The following JMJD1C variants were observed in gnomAD, a reference collection of about 807,000 sequenced individuals.
The protein encoded by JMJD1C is jumonji domain-containing protein 1C.
JMJD1C carries 31 observed loss-of-function variants against 245.3 expected under a neutral mutation model. That is an observed-to-expected ratio of 0.13 (90% CI 0.09 to 0.17). The LOEUF (loss-of-function observed/expected upper bound fraction) is 0.17, where lower values mean the gene tolerates loss of function less well. Among genes scored for constraint, JMJD1C ranks in the 10% least tolerant of loss-of-function variants. The probability of loss-of-function intolerance (pLI) is 1.00; values close to 1 mark genes in which losing one functional copy is unlikely to be tolerated. For synonymous variants in JMJD1C, 1,057 were observed against 1,017.4 expected, an observed-to-expected ratio of 1.04 and a Z score of -0.74; for missense variants, 2,691 against 3,000.2, an observed-to-expected ratio of 0.90 and a Z score of 2.41.
Position 63,314,815 on chromosome 10 carries a change from T to C in JMJD1C, c.334-50051A>G, listed in dbSNP as rs183167026. Reference sequence around the variant, plus strand: ...GGCATGCACCACTACGCCTAGCCAATTTTTGTATTTTTAGTAGAGACAGAG... The same window carrying C: ...GGCATGCACCACTACGCCTAGCCAACTTTTGTATTTTTAGTAGAGACAGAG... On this transcript the variant is annotated intron_variant, in intron 2 of 25. Transcript: ENST00000399262. Among the ~76,000 whole-genome samples, 8 of 152,192 alleles carry C rather than the reference T, an allele frequency of 5.3e-5. No individual in the cohort carries two copies. In the East Asian group the frequency reaches 1.5e-3, roughly 29 times the overall value.
chr10:63,303,356 A>C (rs1011258680), intron 2 of JMJD1C, among the ~76,000 whole-genome samples: 8 of 152,132 alleles, frequency 5.3e-5, no homozygotes, highest in African/African-American at 1.7e-4. Context: ...CCCAGGCCGG[A>C]GTACAGTGGT....
intron 1 of JMJD1C, among the ~76,000 whole-genome samples, chr10:63,486,915 A>C (rs1471918370): frequency 6.6e-6 from 1 of 152,236 alleles, no homozygotes; most frequent in African/African-American, 2.4e-5. Context: ...GATTTCTATC[A>C]TTAACAGTAA....
chr10:63,363,783 A>T (rs1161300265), intron 2 of JMJD1C, among the ~76,000 whole-genome samples: 1 of 149,052 alleles, frequency 6.7e-6, no homozygotes, highest in Non-Finnish European at 1.5e-5. Context: ...GACTCAAGTG[A>T]TCCTCCCCCT....
rs369509652 is a variant in JMJD1C at position 63,264,708 on chromosome 10, G to A, written c.390C>T (p.Phe130=). The A allele has an allele frequency of 6.2e-7, 1 of 1,600,430 alleles. No homozygotes were observed. The highest frequency in any genetic ancestry group is 8.5e-7 in the Non-Finnish European group (1 of 1,173,114). ...AAAAATCCAGTTGCTTATCTACAAG[G>A]AATTCTACTGCAGTGACTGAACTGG... ...NIPSSVTAVE[F]LVDKQLDFLT... The change falls in exon 3 of 26, where the codon TTC becomes TTT. Residue 130 remains phenylalanine, a synonymous_variant. Transcript: ENST00000399262.
intron 2 of JMJD1C, among the ~76,000 whole-genome samples, chr10:63,273,387 T>C (rs1017253786): frequency 6.6e-6 from 1 of 152,172 alleles, no homozygotes; most frequent in African/African-American, 2.4e-5. Flanking sequence ...ACTGGTCTGG[T>C]ATTAATTGGT....
intron 1 of JMJD1C, among the ~76,000 whole-genome samples, chr10:63,488,673 T>C (rs1043511101): frequency 2.0e-5 from 3 of 152,238 alleles, no homozygotes; most frequent in Admixed American, 6.5e-5. Context: ...TAGTGTTTTA[T>C]ATGACTTATA....
At chr10:63,412,333 T>G (rs907703795) in intron 1 of JMJD1C, among the ~76,000 whole-genome samples, 1 of 152,070 alleles carries the variant, frequency 6.6e-6, no homozygotes. Flanking sequence ...ACATTTACAG[T>G]ACTGTACTTA....
intron 2 of JMJD1C, among the ~76,000 whole-genome samples, chr10:63,302,480 T>G (rs985387937): frequency 1.3e-5 from 2 of 152,178 alleles, no homozygotes; most frequent in Non-Finnish European, 2.9e-5. Flanking sequence ...AAAAAAAGTA[T>G]CCCATTATAG....
chr10:63,220,336 A>G (rs1848454394), intron 3 of JMJD1C, among the ~76,000 whole-genome samples: 1 of 152,226 alleles, frequency 6.6e-6, no homozygotes, highest in Non-Finnish European at 1.5e-5. Flanking sequence ...GTGTTGGCAA[A>G]AGAACTGAGG....
chr10:63,191,983 C>CAAAAAAAAAAA (rs10652559), intron 16 of JMJD1C, among the ~76,000 whole-genome samples: 3 of 60,824 alleles, frequency 4.9e-5, no homozygotes, highest in African/African-American at 2.9e-4. Context: ...GACTCTGTCT[C>CAAAAAAAAAAA]AAAAAAAAAA....
chr10:63,229,668 G>A (rs1849731905), intron 3 of JMJD1C, among the ~76,000 whole-genome samples: 1 of 152,216 alleles, frequency 6.6e-6, no homozygotes, highest in South Asian at 2.1e-4. Context: ...AAATGGAAGT[G>A]ACATTCAGAA....
At chr10:63,440,546 T>A (rs933351142) in intron 1 of JMJD1C, among the ~76,000 whole-genome samples, 1 of 152,138 alleles carries the variant, frequency 6.6e-6, no homozygotes, top group African/African-American at 2.4e-5. Flanking sequence ...CAGAAGTTTC[T>A]AATCAACAAA....
intron 1 of JMJD1C, among the ~76,000 whole-genome samples, chr10:63,518,309 A>G (rs1258677126): frequency 2.0e-5 from 3 of 152,190 alleles, no homozygotes; most frequent in Non-Finnish European, 4.4e-5. Context: ...TGCATAAAAT[A>G]TTTTCCAACT....
chr10:63,288,736 G>A (rs1246678770), intron 2 of JMJD1C, among the ~76,000 whole-genome samples: 1 of 151,932 alleles, frequency 6.6e-6, no homozygotes, highest in African/African-American at 2.4e-5. Flanking sequence ...AAAATTAACT[G>A]GACATGGTGG....
intron 2 of JMJD1C, among the ~76,000 whole-genome samples, chr10:63,343,469 G>T (rs1282554351): frequency 6.6e-6 from 1 of 151,936 alleles, no homozygotes. Flanking sequence ...TGTTTTTCTG[G>T]TATCATTAAT....
At chr10:63,278,421 G>A (rs1443399727) in intron 2 of JMJD1C, among the ~76,000 whole-genome samples, 1 of 151,920 alleles carries the variant, frequency 6.6e-6, no homozygotes, top group East Asian at 1.9e-4. Flanking sequence ...AGCTACTTGG[G>A]AGGCTGAGGC....
Position 63,188,431 on chromosome 10 carries a change from TCTTACTCATTTTTACATAG to T in JMJD1C, c.6570+718_6570+736del, listed in dbSNP as rs1169363169. The stretch of plus-strand genomic sequence containing the variant: ...TCAAGCAGCATTGCACTAAAATGGT[TCTTACTCATTTTTACATAG>T]CTTACTCATTTTTATATATTCTTAC... On this transcript the variant is annotated intron_variant, in intron 18 of 25. Transcript: ENST00000399262. Among the ~76,000 whole-genome samples the T allele has an allele frequency of 5.3e-5, 8 of 152,214 alleles. No homozygotes were observed. The South Asian group carries it at 8.3e-4, about 16-fold the overall frequency.
chr10:63,337,216 G>A (rs911242037), intron 2 of JMJD1C, among the ~76,000 whole-genome samples: 16 of 151,396 alleles, frequency 1.1e-4, no homozygotes, highest in Admixed American at 4.0e-4. Context: ...AGACCGGCAC[G>A]GGCACCACTG....
rs190681200 is a variant in JMJD1C, at chr10:63,376,767, T to A, written c.333+3551A>T. On this transcript the variant is annotated intron_variant, in intron 2 of 25. Coordinates refer to ENST00000399262, the MANE Select transcript of JMJD1C (RefSeq NM_032776.3). The stretch of plus-strand genomic sequence containing the variant: ...ACTGAGAAAGTAAATACCAAAAAAA[T>A]GAAAGTAAATGTTGGTGAGGATGTA... 3.3e-3 allele frequency among the ~76,000 whole-genome samples: 502 copies of A among 151,974 alleles called. 8 individuals carry two copies. The highest frequency in any genetic ancestry group is 0.028 in the Admixed American group (433 of 15,268).
Sources: allele counts gnomAD v4.1 joint callset (sites outside exome capture counted in the v4.1 genomes callset), GRCh38; gene constraint gnomAD v4.1.1; transcripts MANE v1.5; gene names NCBI Gene and HGNC (gene_info 2026-07-23, HGNC 2026-07-21).